The following WWOX variants were observed in gnomAD, a reference collection of about 807,000 sequenced individuals.
WWOX encodes the protein WW domain-containing oxidoreductase.
Under a neutral mutation model 46.2 loss-of-function variants are expected in WWOX, and 69 were observed. The observed-to-expected ratio is 1.49, with a 90% confidence interval of 1.23 to 1.82. The LOEUF (loss-of-function observed/expected upper bound fraction) is 1.82. Among genes scored for constraint, WWOX ranks in the 40% most tolerant of loss-of-function variants. The pLI is 0.00. For missense variants in WWOX, 919 were observed against 542.6 expected (o/e 1.69, Z -6.89); for synonymous variants, 359 against 202.6 (o/e 1.77, Z -6.56).
intron 8 of WWOX, among the ~76,000 whole-genome samples, chr16:78,762,391 G>C (rs1481995257): frequency 6.6e-6 from 1 of 152,200 alleles, no homozygotes; most frequent in Non-Finnish European, 1.5e-5. Flanking sequence ...GAGTCTCTTG[G>C]TGACTCGTGT....
intron 8 of WWOX, among the ~76,000 whole-genome samples, chr16:78,836,863 G>A (rs1035876066): frequency 6.6e-6 from 1 of 152,116 alleles, no homozygotes; most frequent in Non-Finnish European, 1.5e-5. Context: ...TTAGCATAGG[G>A]GGCCAAGCAG....
chr16:78,599,278 C>T (rs1270043963), intron 8 of WWOX, among the ~76,000 whole-genome samples: 1 of 152,184 alleles, frequency 6.6e-6, no homozygotes, highest in Non-Finnish European at 1.5e-5. Context: ...TGTCTGTGAA[C>T]CTCCGGGATC....
At chr16:78,270,926 C>G (rs114470237) in intron 5 of WWOX, among the ~76,000 whole-genome samples, 2 of 152,180 alleles carry the variant, frequency 1.3e-5, no homozygotes, top group Non-Finnish European at 2.9e-5. Flanking sequence ...GAAAATGTGT[C>G]AACCCTTTCC....
intron 8 of WWOX, among the ~76,000 whole-genome samples, chr16:79,081,780 G>A (rs2048764925): frequency 6.6e-6 from 1 of 152,096 alleles, no homozygotes. Flanking sequence ...GGATGCTCCT[G>A]CCTGGCTGCC....
intron 8 of WWOX, among the ~76,000 whole-genome samples, chr16:78,885,164 G>A (rs963091976): frequency 6.7e-6 from 1 of 150,276 alleles, no homozygotes; most frequent in African/African-American, 2.5e-5. Context: ...CTCCCTCATG[G>A]TTGCGGGGGA....
intron 5 of WWOX, among the ~76,000 whole-genome samples, chr16:78,342,659 T>G (rs78070450): frequency 8.3e-6 from 1 of 120,352 alleles, no homozygotes; most frequent in Admixed American, 8.1e-5. Flanking sequence ...ACAGAACTTA[T>G]GGCATCAGAA....
At chr16:79,062,581 G>A (rs1567523658) in intron 8 of WWOX, among the ~76,000 whole-genome samples, 1 of 152,178 alleles carries the variant, frequency 6.6e-6, no homozygotes, top group Admixed American at 6.5e-5. Flanking sequence ...AACAGCAGGG[G>A]TGGAGAGTAA....
chr16:78,385,113 G>A (rs1202145993), intron 5 of WWOX, among the ~76,000 whole-genome samples: 5 of 123,434 alleles, frequency 4.1e-5, no homozygotes, highest in South Asian at 2.4e-4. Flanking sequence ...CAGCCTGGGC[G>A]ACAGAGTGAG....
intron 8 of WWOX, among the ~76,000 whole-genome samples, chr16:79,009,972 C>T (rs1286500089): frequency 2.0e-5 from 3 of 152,180 alleles, no homozygotes; most frequent in African/African-American, 4.8e-5. Flanking sequence ...CATTGACCTT[C>T]TCTGAACCTC....
chr16:78,978,725 C>G (rs2046621297), intron 8 of WWOX, among the ~76,000 whole-genome samples: 1 of 152,128 alleles, frequency 6.6e-6, no homozygotes, highest in South Asian at 2.1e-4. Flanking sequence ...AGGCGCTACA[C>G]ACTTTTCAAC....
At chr16:79,137,161 C>A (rs1473019981) in intron 8 of WWOX, among the ~76,000 whole-genome samples, 3 of 152,208 alleles carry the variant, frequency 2.0e-5, no homozygotes, top group African/African-American at 7.2e-5. Context: ...CAGGCACATG[C>A]AACGTCCAGT....
intron 5 of WWOX, among the ~76,000 whole-genome samples, chr16:78,351,035 T>G (rs1046598002): frequency 2.6e-5 from 4 of 152,246 alleles, no homozygotes; most frequent in African/African-American, 9.6e-5. Flanking sequence ...GATTTGGATT[T>G]TCTTGATGGC....
intron 8 of WWOX, among the ~76,000 whole-genome samples, chr16:78,824,735 G>T (rs1209904558): frequency 6.6e-6 from 1 of 152,140 alleles, no homozygotes; most frequent in Non-Finnish European, 1.5e-5. Flanking sequence ...GCGCAGGAAA[G>T]ACCGGCCCAC....
intron 8 of WWOX, among the ~76,000 whole-genome samples, chr16:78,541,117 T>C (rs1244547159): frequency 6.6e-6 from 1 of 152,206 alleles, no homozygotes; most frequent in Admixed American, 6.5e-5. Context: ...CTGACATTTA[T>C]TTTAAACGTG....
chr16:78,826,883 C>T (rs6564600), intron 8 of WWOX, among the ~76,000 whole-genome samples: 47,086 of 152,084 alleles, frequency 0.31, 7,534 homozygotes, highest in Middle Eastern at 0.45. Context: ...TCTCCCTTTC[C>T]CTGTAAGTGG....
rs1480884677 is a variant in WWOX at position 78,343,890 on chromosome 16, A to C, written c.517-42970A>C. 1.7e-5 allele frequency among the ~76,000 whole-genome samples: 2 copies of C among 120,222 alleles called. 1 individual carries two copies. Among genetic ancestry groups the C allele is most frequent in the African/African-American group, 5.7e-5 (2 of 35,372 alleles). The allele number at this position is 120,222 out of a possible 152,430, so 78.9% of individuals were successfully genotyped here. A position where few individuals can be genotyped will look rare whatever the true frequency, so the allele number is the denominator to read the frequency against. ...CTGCTGAGAAATGATGATGGTGACA[A>C]TGATGACAATGACGATGACCCTTGG... On this transcript the variant is annotated intron_variant, in intron 5 of 8. Coordinates refer to ENST00000566780, the MANE Select transcript of WWOX (RefSeq NM_016373.4).
chr16:78,882,119 C>A (rs969066046), intron 8 of WWOX, among the ~76,000 whole-genome samples: 7 of 152,102 alleles, frequency 4.6e-5, no homozygotes, highest in Admixed American at 2.6e-4. Flanking sequence ...GAGCAAGAGT[C>A]CATTTACAAA....
chr16:78,851,103 C>T (rs1423318182), intron 8 of WWOX, among the ~76,000 whole-genome samples: 1 of 152,150 alleles, frequency 6.6e-6, no homozygotes, highest in African/African-American at 2.4e-5. Context: ...AGAAGCTTGC[C>T]TGTGGTATTT....
chr16:78,926,103 C>T (rs1001486395), intron 8 of WWOX, among the ~76,000 whole-genome samples: 2 of 152,042 alleles, frequency 1.3e-5, no homozygotes, highest in African/African-American at 4.8e-5. Context: ...ATTGTAGAAC[C>T]CTAAGAAAAT....
Sources: gnomAD v4.1 joint callset for allele counts (sites outside exome capture counted in the v4.1 genomes callset) on GRCh38, gnomAD v4.1.1 for gene constraint, MANE v1.5 for transcripts, NCBI Gene and HGNC (gene_info 2026-07-23, HGNC 2026-07-21) for gene names.